The following IMPG2 variants were observed in gnomAD, a reference collection of about 807,000 sequenced individuals.
IMPG2 encodes the protein IPM 200.
IMPG2 carries 91 observed loss-of-function variants against 129.2 expected under a neutral mutation model. The observed-to-expected ratio is 0.70, with a 90% CI of 0.59 to 0.84. The LOEUF (loss-of-function observed/expected upper bound fraction) is 0.84. IMPG2 is among the 40% of genes least tolerant of loss of function. The pLI is 0.00. For synonymous variants in IMPG2, 510 were observed against 517.7 expected, an observed-to-expected ratio of 0.99 and a Z score of 0.20; for missense variants, 1,430 against 1,461.7, an observed-to-expected ratio of 0.98 and a Z score of 0.35.
At chr3:101,281,851 A>C (rs1166865655) in intron 4 of IMPG2, among the ~76,000 whole-genome samples, 1 of 152,284 alleles carries the variant, frequency 6.6e-6, no homozygotes, top group East Asian at 1.9e-4. Context: ...CCATGAGCCA[A>C]GAAATGTGGG....
In IMPG2 at chr3:101,225,717, A is replaced by G. The variant is rs1706214174; in HGVS notation, c.*1252T>C. 6.6e-6 allele frequency: 1 copy of G among 152,212 alleles called. No homozygotes were observed. The allele number at this position is 152,212 out of a possible 1,614,324, so 9.4% of individuals were successfully genotyped here. ...AAGACATCTAGCATAAAGTATCTGC[A>G]TTAATAATAACCTATTGCATATGCA... is the stretch of plus-strand genomic sequence containing the variant. On this transcript the variant is annotated 3_prime_UTR_variant, in exon 19 of 19. Coordinates refer to ENST00000193391, the MANE Select transcript of IMPG2 (RefSeq NM_016247.4).
chr3:101,233,226 T>C (rs1706309554), intron 14 of IMPG2, among the ~76,000 whole-genome samples: 1 of 152,190 alleles, frequency 6.6e-6, no homozygotes, highest in African/African-American at 2.4e-5. Context: ...CTATGACCTA[T>C]CTAAGCCTTA....
chr3:101,249,406 T>A (rs1706520263), intron 11 of IMPG2, among the ~76,000 whole-genome samples: 3 of 151,952 alleles, frequency 2.0e-5, no homozygotes, highest in African/African-American at 7.3e-5. Context: ...AAATAAGGAA[T>A]GAGAATCACT....
At chr3:101,314,354 T>C (rs1340509481) in intron 2 of IMPG2, among the ~76,000 whole-genome samples, 1 of 152,166 alleles carries the variant, frequency 6.6e-6, no homozygotes, top group Non-Finnish European at 1.5e-5. Flanking sequence ...GAAATTTAAC[T>C]GGGTGTCCTG....
At chr3:101,294,149 T>C (rs781018302) in intron 3 of IMPG2, among the ~76,000 whole-genome samples, 2 of 152,230 alleles carry the variant, frequency 1.3e-5, no homozygotes, top group Non-Finnish European at 2.9e-5. Context: ...TAGGTATACA[T>C]GTGCCATGGT....
chr3:101,290,375 T>C (rs1480026710), intron 4 of IMPG2, among the ~76,000 whole-genome samples: 2 of 152,192 alleles, frequency 1.3e-5, no homozygotes, highest in East Asian at 1.9e-4. Context: ...CTGGGCATGA[T>C]GGTGTGTGCC....
In IMPG2 at chr3:101,279,088, C is replaced by T. The variant is rs76977668; in HGVS notation, c.534-2375G>A. ...ATTTCATAGATGAAAGAAATAAGGT[C>T]CAAACAGGTAAAGCAACTTTCCCAG... On this transcript the variant is annotated intron_variant, in intron 4 of 18. Transcript: ENST00000193391. Among the ~76,000 whole-genome samples, 1,424 of 152,258 alleles carry T rather than the reference C, an allele frequency of 9.4e-3. 26 individuals are homozygous for T. The highest frequency in any genetic ancestry group is 0.032 in the African/African-American group (1,345 of 41,550).
Position 101,232,782 on chromosome 3 carries a change from T to C in IMPG2, c.3232A>G (p.Arg1078Gly), listed in dbSNP as rs753682790. The change falls in exon 15 of 19, where the codon AGG becomes GGG. Residue 1078 changes from arginine to glycine, a missense_variant and splice_region_variant. Arg to Gly is a moderately radical substitution (Grantham distance 125). Coordinates refer to ENST00000193391, the MANE Select transcript of IMPG2 (RefSeq NM_016247.4). ...DIMPGHGAIC[R>G]CRVGENWWYR... Reference sequence around the variant, plus strand: ...TCAAAATCTGTAACTACAACATACCTACAAATGGCCCCGTGCCCAGGCATA... The same window carrying C: ...TCAAAATCTGTAACTACAACATACCCACAAATGGCCCCGTGCCCAGGCATA... 3.1e-6 allele frequency: 5 copies of C among 1,613,602 alleles called. No homozygotes were observed. Among genetic ancestry groups the C allele is most frequent in the Non-Finnish European group, 4.2e-6 (5 of 1,179,790 alleles).
At chr3:101,303,591 A>G (rs1267247946) in intron 3 of IMPG2, among the ~76,000 whole-genome samples, 2 of 152,208 alleles carry the variant, frequency 1.3e-5, no homozygotes, top group Non-Finnish European at 2.9e-5. Context: ...ACGAAAAGGG[A>G]AAAGTGGCAG....
rs927098037 is a variant in IMPG2, at chr3:101,229,783, A to C, written c.3423-193T>G. On this transcript the variant is annotated intron_variant, in intron 16 of 18. Coordinates refer to ENST00000193391, the MANE Select transcript of IMPG2 (RefSeq NM_016247.4). ...GGTGTTATCATTATGATTTCCTCAC[A>C]CCCATGGCAAGTGCCCTGTGGACTT... is the stretch of plus-strand genomic sequence containing the variant. 5.3e-5 allele frequency among the ~76,000 whole-genome samples: 8 copies of C among 152,210 alleles called. No homozygotes were observed. In the South Asian group the frequency reaches 1.7e-3, roughly 32 times the overall value.
Position 101,264,084 on chromosome 3 carries a change from G to A in IMPG2, c.908+3427C>T, listed in dbSNP as rs927467081. Among the ~76,000 whole-genome samples, 8 of 151,888 alleles carry A rather than the reference G, an allele frequency of 5.3e-5. 1 individual carries two copies. Among genetic ancestry groups the A allele is most frequent in the Non-Finnish European group, 1.0e-4 (7 of 67,930 alleles). ...AACAACAAATAACAAGATTAAATCA[G>A]TAACAAAAAGTCTACTGAAAAAGAA... On this transcript the variant is annotated intron_variant, in intron 9 of 18. Transcript: ENST00000193391.
At position 101,244,567 on chromosome 3, in the gene IMPG2, A is replaced by T; in HGVS notation, c.1764T>A (p.Asp588Glu). ...ATATTAACTCTTTTTCCATGGATGC[A>T]TCTGGCAGGAAAGGGCTCACTTTTA... ...DQLKVSPFLP[D>E]ASMEKELIFD... Residue 588 changes from aspartate (D) to glutamate (E), a missense_variant, in exon 13 of 19, where the codon GAT becomes GAA. Asp to Glu is a conservative substitution (Grantham distance 45). Transcript: ENST00000193391. The T allele has an allele frequency of 6.3e-7, 1 of 1,593,062 alleles. No individual in the cohort carries two copies. The highest frequency in any genetic ancestry group is 8.5e-7 in the Non-Finnish European group (1 of 1,170,358).
chr3:101,257,038 G>A (rs998087472), intron 10 of IMPG2, among the ~76,000 whole-genome samples: 3 of 152,022 alleles, frequency 2.0e-5, no homozygotes, highest in Non-Finnish European at 1.5e-5. Flanking sequence ...ACAGCAATCT[G>A]AATTTAAAGT....
At chr3:101,270,118 C>T (rs1477014926) in intron 7 of IMPG2, among the ~76,000 whole-genome samples, 1 of 151,718 alleles carries the variant, frequency 6.6e-6, no homozygotes, top group African/African-American at 2.4e-5. Flanking sequence ...TGTATTTTTA[C>T]TAGAGGCGGG....
chr3:101,320,177 AAAGTAGT>A (rs895892224), intron 1 of IMPG2, 104 bp downstream of exon 1: 4 of 667,242 alleles, frequency 6.0e-6, no homozygotes, highest in Non-Finnish European at 1.0e-5. Context: ...AAAGATTAAT[AAAGTAGT>A]ATTTGATTCC....
At chr3:101,298,646 T>C (rs909747155) in intron 3 of IMPG2, among the ~76,000 whole-genome samples, 10 of 152,346 alleles carry the variant, frequency 6.6e-5, no homozygotes, top group Admixed American at 6.5e-4. Flanking sequence ...TTATTTCTCC[T>C]TCACTTATGA....
chr3:101,251,413 T>C (rs1201618822), intron 11 of IMPG2, among the ~76,000 whole-genome samples: 1 of 152,180 alleles, frequency 6.6e-6, no homozygotes, highest in Non-Finnish European at 1.5e-5. Context: ...AAAAATGGCA[T>C]GGCAATGAAG....
intron 11 of IMPG2, among the ~76,000 whole-genome samples, chr3:101,249,971 G>A (rs1040202658): frequency 2.0e-5 from 3 of 152,074 alleles, no homozygotes; most frequent in Admixed American, 6.5e-5. Context: ...ATAGTACTCT[G>A]GAGGCTGAGG....
chr3:101,306,876 A>G (rs77851924), intron 2 of IMPG2, among the ~76,000 whole-genome samples: 1,813 of 152,330 alleles, frequency 0.012, 19 homozygotes, highest in Non-Finnish European at 0.016. Flanking sequence ...GAAAGAAAAA[A>G]ACAATAAATT....
Sources: allele counts gnomAD v4.1 joint callset (sites outside exome capture counted in the v4.1 genomes callset), GRCh38; gene constraint gnomAD v4.1.1; transcripts MANE v1.5; gene names NCBI Gene and HGNC (gene_info 2026-07-23, HGNC 2026-07-21).